Variants in OSGIN2 observed in about 807,000 individuals in gnomAD.
OSGIN2 encodes oxidative stress-induced growth inhibitor 2.
Under a neutral mutation model 53.8 loss-of-function variants are expected in OSGIN2, and 19 were observed. The observed-to-expected ratio is 0.35, with a 90% CI of 0.25 to 0.52. OSGIN2 has a LOEUF of 0.52. OSGIN2 is among the 20% of genes least tolerant of loss of function. The pLI is 0.95. For missense variants in OSGIN2, 520 were observed against 662.7 expected, an observed-to-expected ratio of 0.78 and a Z score of 2.36; for synonymous variants, 236 against 236.0, an observed-to-expected ratio of 1.00 and a Z score of 0.00.
At chr8:89,909,742 T>A (rs763715752) in intron 2 of OSGIN2, 21 bp downstream of exon 2, 4 of 1,493,836 alleles carry the variant, frequency 2.7e-6, no homozygotes, top group Non-Finnish European at 3.7e-6. Flanking sequence ...GTATTTTATC[T>A]TTTAAAATTA....
chr8:89,913,180 C>T (rs1809006895), intron 2 of OSGIN2, among the ~76,000 whole-genome samples: 1 of 152,182 alleles, frequency 6.6e-6, no homozygotes, highest in African/African-American at 2.4e-5. Flanking sequence ...TCCGGCACCT[C>T]TCATAATCCG....
intron 5 of OSGIN2, among the ~76,000 whole-genome samples, chr8:89,922,228 A>C (rs1325193969): frequency 6.6e-6 from 1 of 152,198 alleles, no homozygotes; most frequent in African/African-American, 2.4e-5. Flanking sequence ...GCTACATAAC[A>C]ACCATGTTAA....
chr8:89,909,608 C>A lies in OSGIN2; in HGVS notation c.86C>A (p.Ser29Tyr). Residue 29 changes from serine to tyrosine, a missense_variant, in exon 2 of 6, where the codon TCC becomes TAC. Transcript: ENST00000451899. The stretch of plus-strand genomic sequence containing the variant: ...GAAACTGAAGGAGAGATTTTTAATT[C>A]CTTAGTGCAATACTTTGGTGACAAC... ...DTETEGEIFN[S>Y]LVQYFGDNLG... The A allele has an allele frequency of 1.3e-6, 2 of 1,591,328 alleles. No homozygotes were observed. The highest frequency in any genetic ancestry group is 1.7e-6 in the Non-Finnish European group (2 of 1,166,288).
At chr8:89,924,429 C>T in intron 5 of OSGIN2, 74 bp from the exon 6 acceptor site, 1 of 1,058,372 alleles carries the variant, frequency 9.4e-7, no homozygotes, top group South Asian at 1.6e-5. Context: ...TAAAAGCTTA[C>T]TAGGTAGATA....
intron 4 of OSGIN2, among the ~76,000 whole-genome samples, chr8:89,920,313 A>G (rs1342098857): frequency 6.6e-6 from 1 of 152,080 alleles, no homozygotes; most frequent in African/African-American, 2.4e-5. Flanking sequence ...TAATAATAAT[A>G]TGCCCCATTT....
intron 4 of OSGIN2, among the ~76,000 whole-genome samples, chr8:89,918,976 A>G (rs1158092848): frequency 6.6e-6 from 1 of 152,174 alleles, no homozygotes; most frequent in Non-Finnish European, 1.5e-5. Flanking sequence ...CCAATCCATT[A>G]TCCATACCAA....
intron 4 of OSGIN2, among the ~76,000 whole-genome samples, chr8:89,919,742 C>G (rs1809157704): frequency 6.6e-6 from 1 of 152,212 alleles, no homozygotes; most frequent in African/African-American, 2.4e-5. Context: ...CATATTTGCT[C>G]TCTTTATTAA....
At chr8:89,904,418 TGTTTTG>T (rs1182739421) in intron 1 of OSGIN2, among the ~76,000 whole-genome samples, 1 of 152,254 alleles carries the variant, frequency 6.6e-6, no homozygotes, top group East Asian at 1.9e-4. Flanking sequence ...GTATTTGCTA[TGTTTTG>T]GTCTGGAGGG....
At chr8:89,907,235 T>G (rs1808857782) in intron 1 of OSGIN2, among the ~76,000 whole-genome samples, 1 of 152,232 alleles carries the variant, frequency 6.6e-6, no homozygotes, top group South Asian at 2.1e-4. Flanking sequence ...TGATAGTTTC[T>G]TTTGCTGTGC....
chr8:89,905,341 C>T (rs760707623), intron 1 of OSGIN2, among the ~76,000 whole-genome samples: 1 of 152,090 alleles, frequency 6.6e-6, no homozygotes, highest in Non-Finnish European at 1.5e-5. Flanking sequence ...ACATATTTTC[C>T]AATTTTAATT....
At chr8:89,906,143 T>TTTGTTTA in intron 1 of OSGIN2, among the ~76,000 whole-genome samples, 1 of 152,324 alleles carries the variant, frequency 6.6e-6, no homozygotes, top group African/African-American at 2.4e-5. Context: ...TAAACATGTG[T>TTTGTTTA]CATGGGAGTT....
chr8:89,921,723 T>A (rs559361945), intron 5 of OSGIN2, among the ~76,000 whole-genome samples: 1 of 152,304 alleles, frequency 6.6e-6, no homozygotes, highest in Non-Finnish European at 1.5e-5. Flanking sequence ...GGCTCACGCC[T>A]GTAATCCCAG....
chr8:89,909,669 A>G lies in OSGIN2; in HGVS notation c.147A>G (p.Glu49=). The change falls in exon 2 of 6, where the codon GAA becomes GAG. Residue 49 remains glutamate (E), a synonymous_variant. Transcript: ENST00000451899. ...GRKVKAMPLV[E]ETSLLEDSSV... ...AAGTTAAAGCGATGCCATTAGTTGA[A>G]GAAACTTCTTTACTGGAAGATTCGT... 6.2e-7 allele frequency: 1 copy of G among 1,611,040 alleles called. No homozygotes were observed. Among genetic ancestry groups the G allele is most frequent in the Non-Finnish European group, 8.5e-7 (1 of 1,177,874 alleles).
At chr8:89,918,725 G>T (rs1196422324) in intron 4 of OSGIN2, among the ~76,000 whole-genome samples, 2 of 152,104 alleles carry the variant, frequency 1.3e-5, no homozygotes, top group Non-Finnish European at 2.9e-5. Context: ...TTATCATCAA[G>T]TCCCTTCAAT....
intron 4 of OSGIN2, among the ~76,000 whole-genome samples, chr8:89,915,807 T>A (rs1158745721): frequency 6.6e-6 from 1 of 152,222 alleles, no homozygotes; most frequent in African/African-American, 2.4e-5. Context: ...AATGACTGTT[T>A]CAGGGTATCG....
chr8:89,911,627 TAAAAAA>T (rs76846705), intron 2 of OSGIN2, among the ~76,000 whole-genome samples: 1 of 93,946 alleles, frequency 1.1e-5, no homozygotes, highest in Admixed American at 1.2e-4. Context: ...AAACTCTGTC[TAAAAAA>T]AAAAAAAAAA....
chr8:89,911,519 A>G (rs906957768), intron 2 of OSGIN2, among the ~76,000 whole-genome samples: 1 of 151,676 alleles, frequency 6.6e-6, no homozygotes, highest in Non-Finnish European at 1.5e-5. Flanking sequence ...AATCCTAGCT[A>G]CTTGGGAGGC....
At position 89,912,621 on chromosome 8, in the gene OSGIN2, C is replaced by T. The variant is rs112355523; in HGVS notation, c.200-1456C>T. 7.7e-3 allele frequency among the ~76,000 whole-genome samples: 1,167 copies of T among 152,084 alleles called. 12 individuals are homozygous for T. Among genetic ancestry groups the T allele is most frequent in the Non-Finnish European group, 0.013 (861 of 67,974 alleles). On this transcript the variant is annotated intron_variant, in intron 2 of 5. Transcript: ENST00000451899. ...ATAAGCTGGGTGTGGTGTCGTGTAC[C>T]TCTAGTCCTAGCTACTTGGGAGGCT...
At position 89,925,989 on chromosome 8, in the gene OSGIN2, C is replaced by G. The variant is rs1809322956; in HGVS notation, c.*457C>G. On this transcript the variant is annotated 3_prime_UTR_variant, in exon 6 of 6. Coordinates refer to ENST00000451899, the MANE Select transcript of OSGIN2 (RefSeq NM_001126111.3). The stretch of plus-strand genomic sequence containing the variant: ...ATCTGTAGCTTGTTAGAAATGTAAA[C>G]TCTCAGGCCCCACAACTTACTTCCT... The G allele has an allele frequency of 6.4e-6, 1 of 157,088 alleles. No homozygotes were observed. The highest frequency in any genetic ancestry group is 6.1e-5 in the Admixed American group (1 of 16,442). 9.7% of individuals were successfully genotyped at this position (157,088 alleles called of 1,614,324 possible). A position where few individuals can be genotyped will look rare whatever the true frequency, so the allele number is the denominator to read the frequency against.
Sources: allele counts gnomAD v4.1 joint callset (sites outside exome capture counted in the v4.1 genomes callset), GRCh38; gene constraint gnomAD v4.1.1; transcripts MANE v1.5; gene names NCBI Gene and HGNC (gene_info 2026-07-23, HGNC 2026-07-21).